CD96: variants seen among roughly 807,000 people sequenced by gnomAD.
The protein encoded by CD96 is T-cell surface protein tactile.
Under a neutral mutation model 71.3 loss-of-function variants are expected in CD96, and 70 were observed. The observed-to-expected ratio is 0.98, with a 90% CI of 0.81 to 1.20. The LOEUF (loss-of-function observed/expected upper bound fraction) is 1.20, where lower values mean the gene tolerates loss of function less well. CD96 is among the 50% of genes most tolerant of loss of function. CD96 has a pLI of 0.00. For missense variants in CD96, 742 were observed against 677.5 expected (o/e 1.10, Z -1.06); for synonymous variants, 248 against 233.0 (o/e 1.06, Z -0.59).
At chr3:111,577,670 G>A in intron 3 of CD96, 1 of 789,408 alleles carries the variant, frequency 1.3e-6, no homozygotes, top group East Asian at 2.4e-5. Flanking sequence ...AAAGAACGGT[G>A]TCTTACATAA....
chr3:111,657,488 T>C (rs1270863357), intron 14 of CD96, among the ~76,000 whole-genome samples: 1 of 151,486 alleles, frequency 6.6e-6, no homozygotes, highest in East Asian at 1.9e-4. Context: ...TACCCCAGTC[T>C]CGTGTAGGGT....
intron 8 of CD96, among the ~76,000 whole-genome samples, chr3:111,614,234 G>C (rs1487866637): frequency 6.6e-6 from 1 of 152,190 alleles, no homozygotes; most frequent in African/African-American, 2.4e-5. Context: ...TGAGGTGGGG[G>C]TAGGGAAGAG....
At chr3:111,649,672 T>A in intron 13 of CD96, 26 bp from the exon 14 acceptor site, 1 of 1,401,782 alleles carries the variant, frequency 7.1e-7, no homozygotes, top group Non-Finnish European at 1.0e-6. Flanking sequence ...ATTCTTAGCA[T>A]TGAAAGACCA....
intron 8 of CD96, among the ~76,000 whole-genome samples, chr3:111,614,492 T>C (rs1032238977): frequency 3.9e-5 from 6 of 152,210 alleles, no homozygotes; most frequent in Non-Finnish European, 5.9e-5. Flanking sequence ...GTCCTATGGC[T>C]GCTGTCCCTT....
chr3:111,619,374 A>G (rs1379237820), intron 8 of CD96, among the ~76,000 whole-genome samples: 1 of 152,240 alleles, frequency 6.6e-6, no homozygotes, highest in African/African-American at 2.4e-5. Context: ...AGTATAAACA[A>G]AACATTTTGT....
At position 111,658,422 on chromosome 3, in the gene CD96, G is replaced by A. The variant is rs528529185; in HGVS notation, c.*53-7105G>A. ...ACTTCAAGAGCAGATTAAGAAATAC[G>A]AAGGGAGTGCTGAAATTCAGAAGTT... is the stretch of plus-strand genomic sequence containing the variant. On this transcript the variant is annotated intron_variant and NMD_transcript_variant, in intron 14 of 14. Coordinates refer to the CD96 transcript ENST00000494798. Among the ~76,000 whole-genome samples the A allele has an allele frequency of 2.6e-5, 4 of 152,286 alleles. No homozygotes were observed. The South Asian group carries it at 6.2e-4, about 24-fold the overall frequency.
intron 10 of CD96, among the ~76,000 whole-genome samples, chr3:111,633,261 T>G (rs773202305): frequency 6.6e-6 from 1 of 152,146 alleles, no homozygotes; most frequent in Non-Finnish European, 1.5e-5. Context: ...CACACAACAT[T>G]TATCAATTAA....
chr3:111,597,171 G>T (rs1479541585), intron 5 of CD96, among the ~76,000 whole-genome samples: 1 of 152,024 alleles, frequency 6.6e-6, no homozygotes, highest in Admixed American at 6.6e-5. Context: ...TAAGAACTAG[G>T]GCTGGTCATA....
At chr3:111,628,048 A>T (rs1468724740) in intron 10 of CD96, among the ~76,000 whole-genome samples, 2 of 152,234 alleles carry the variant, frequency 1.3e-5, no homozygotes, top group Non-Finnish European at 2.9e-5. Context: ...AGAAAGAATT[A>T]GCACAAAAAC....
chr3:111,647,608 T>A lies in CD96; in HGVS notation c.1543T>A (p.Cys515Ser). Residue 515 changes from cysteine to serine, a missense_variant, in exon 13 of 14, where the codon TGC (cysteine) becomes AGC (serine). Coordinates refer to ENST00000352690, the MANE Select transcript of CD96 (RefSeq NM_005816.5). ...AGTGATTGTAGCAGCTTTACTCTTT[T>A]GCTGCATGATATTGTTTGGTCTTGG... is the stretch of plus-strand genomic sequence containing the variant. Reference protein sequence around the residue: ...WPVIVAALLFCCMILFGLGVR... With the variant: ...WPVIVAALLFSCMILFGLGVR... The A allele has an allele frequency of 6.2e-7, 1 of 1,611,276 alleles. No individual in the cohort carries two copies. Among genetic ancestry groups the A allele is most frequent in the Non-Finnish European group, 8.5e-7 (1 of 1,177,500 alleles).
At chr3:111,647,323 T>A (rs558485995) in intron 12 of CD96, among the ~76,000 whole-genome samples, 1 of 152,266 alleles carries the variant, frequency 6.6e-6, no homozygotes, top group East Asian at 1.9e-4. Context: ...TACATATGTA[T>A]GCTTATATAT....
At chr3:111,544,962 C>A in intron 1 of CD96, 84 bp from the exon 2 acceptor site, 2 of 1,165,386 alleles carry the variant, frequency 1.7e-6, no homozygotes, top group Non-Finnish European at 2.6e-6. Context: ...GCTCCCCTCA[C>A]CTTACTGAAG....
At chr3:111,603,241 A>G (rs1937537900) in intron 7 of CD96, among the ~76,000 whole-genome samples, 1 of 152,178 alleles carries the variant, frequency 6.6e-6, no homozygotes, top group African/African-American at 2.4e-5. Context: ...CAGAAGTTCA[A>G]GATCAGCCTG....
At position 111,650,508 on chromosome 3, in the gene CD96, A is replaced by G. The variant is rs1235482168; in HGVS notation, c.*702A>G. On this transcript the variant is annotated 3_prime_UTR_variant, in exon 14 of 14. Transcript: ENST00000352690. ...ATACAAAACTCCACTGGCCTCTAAA[A>G]TTATATTAGCCAAGAGTGGTTTCAT... 6.5e-6 allele frequency: 1 copy of G among 152,736 alleles called. No individual in the cohort carries two copies. The highest frequency in any genetic ancestry group is 1.5e-5 in the Non-Finnish European group (1 of 68,434). The allele number at this position is 152,736 out of a possible 1,614,324, so 9.5% of individuals were successfully genotyped here. A position where few individuals can be genotyped will look rare whatever the true frequency, so the allele number is the denominator to read the frequency against.
intron 10 of CD96, among the ~76,000 whole-genome samples, chr3:111,630,310 A>G (rs1334678599): frequency 1.3e-5 from 2 of 152,142 alleles, no homozygotes; most frequent in Non-Finnish European, 2.9e-5. Flanking sequence ...ACACAATCAG[A>G]AATTATAAGA....
In CD96 at chr3:111,593,703, C is replaced by T. The variant is rs764516611; in HGVS notation, c.808-4417C>T. 3 of 1,614,060 alleles carry T rather than the reference C, an allele frequency of 1.9e-6. No homozygotes were observed. In the South Asian group the frequency reaches 3.3e-5, roughly 18 times the overall value. ...TCCACAGCCCTCTCCCGCCATTCCA[C>T]TGCCCTTTCCCTCCTAAGCACCTCC... On this transcript the variant is annotated intron_variant, in intron 5 of 13. Coordinates refer to ENST00000352690, the MANE Select transcript of CD96 (RefSeq NM_005816.5).
chr3:111,555,781 T>C (rs940376521), intron 2 of CD96, among the ~76,000 whole-genome samples: 12 of 152,420 alleles, frequency 7.9e-5, no homozygotes, highest in Admixed American at 7.8e-4. Context: ...GATGTGTAGA[T>C]TAATTTTAAG....
At chr3:111,637,307 C>A in intron 11 of CD96, 46 bp downstream of exon 11, 1 of 1,026,976 alleles carries the variant, frequency 9.7e-7, no homozygotes, top group African/African-American at 1.6e-5. Context: ...TAGTGGTCAG[C>A]TTTATTTGGA....
chr3:111,567,450 T>C, intron 2 of CD96, 73 bp from the exon 3 acceptor site: 1 of 1,287,362 alleles, frequency 7.8e-7, no homozygotes, highest in South Asian at 1.2e-5. Flanking sequence ...AAACTGTTTT[T>C]GTCTCTTTGA....
Sources: gnomAD v4.1 joint callset for allele counts (sites outside exome capture counted in the v4.1 genomes callset) on GRCh38, gnomAD v4.1.1 for gene constraint, MANE v1.5 for transcripts, NCBI Gene and HGNC (gene_info 2026-07-23, HGNC 2026-07-21) for gene names.